PRDM5: variants seen among roughly 807,000 people sequenced by gnomAD.
PRDM5 encodes PR/SET domain 5.
In PRDM5, 56 loss-of-function variants were observed where a neutral mutation model predicts 81.2. The ratio of observed to expected loss-of-function variants is 0.69; its 90% confidence interval spans 0.56 to 0.86. The LOEUF is 0.86. Among genes scored for constraint, PRDM5 ranks in the 40% least tolerant of loss-of-function variants. PRDM5 has a pLI of 0.00. For synonymous variants in PRDM5, 267 were observed against 256.4 expected, an observed-to-expected ratio of 1.04 and a Z score of -0.39; for missense variants, 697 against 770.1, an observed-to-expected ratio of 0.91 and a Z score of 1.12.
intron 2 of PRDM5, 104 bp from the exon 3 acceptor site, chr4:120,853,644 T>A (rs1297130468): frequency 7.1e-7 from 1 of 1,410,162 alleles, no homozygotes; most frequent in African/African-American, 1.4e-5. Context: ...TATACCTTTT[T>A]TATTGATGGG....
chr4:120,696,637 G>A (rs1411917075), intron 15 of PRDM5, among the ~76,000 whole-genome samples: 1 of 152,030 alleles, frequency 6.6e-6, no homozygotes, highest in African/African-American at 2.4e-5. Context: ...GGATTATTAA[G>A]ATTAAATAAA....
intron 14 of PRDM5, among the ~76,000 whole-genome samples, chr4:120,727,697 C>T (rs552781108): frequency 1.1e-3 from 168 of 151,998 alleles, no homozygotes; most frequent in Non-Finnish European, 2.1e-3. Context: ...ACACTTTGGG[C>T]GGCTGAGGCG....
rs926584287 is a variant in PRDM5 at position 120,805,633 on chromosome 4, C to A, written c.945+5737G>T. Among the ~76,000 whole-genome samples, 7 of 152,230 alleles carry A rather than the reference C, an allele frequency of 4.6e-5. No individual in the cohort carries two copies. The South Asian group carries it at 1.5e-3, about 32-fold the overall frequency. On this transcript the variant is annotated intron_variant, in intron 8 of 15. Transcript: ENST00000264808. The stretch of plus-strand genomic sequence containing the variant: ...TTATCTCAATAGATACAGAAAAGGC[C>A]TTTGACAAAATTCAATAGCCCTTCA...
chr4:120,910,717 A>C (rs1163231592), intron 1 of PRDM5, among the ~76,000 whole-genome samples: 1 of 152,180 alleles, frequency 6.6e-6, no homozygotes, highest in Non-Finnish European at 1.5e-5. Context: ...TGACCTACAA[A>C]ATGAAAGTTT....
At chr4:120,896,951 G>A (rs1764693615) in intron 2 of PRDM5, 1 of 151,546 alleles carries the variant, frequency 6.6e-6, no homozygotes, top group Non-Finnish European at 1.5e-5. Context: ...CCAAAGTTCT[G>A]GGATTACAGG....
chr4:120,748,147 G>C (rs1480751525), intron 14 of PRDM5, among the ~76,000 whole-genome samples: 1 of 152,184 alleles, frequency 6.6e-6, no homozygotes, highest in Non-Finnish European at 1.5e-5. Flanking sequence ...ATGGGTTTGA[G>C]GCACTGGACA....
At chr4:120,876,723 GA>G (rs1219678892) in intron 2 of PRDM5, among the ~76,000 whole-genome samples, 1 of 152,078 alleles carries the variant, frequency 6.6e-6, no homozygotes, top group Admixed American at 6.5e-5. Context: ...TACATTTGAT[GA>G]AAAAATATAA....
chr4:120,759,529 T>A (rs926690020), intron 13 of PRDM5, among the ~76,000 whole-genome samples: 1 of 152,220 alleles, frequency 6.6e-6, no homozygotes, highest in Non-Finnish European at 1.5e-5. Flanking sequence ...AAAGATAAAT[T>A]GTTATTCTTA....
Position 120,697,668 on chromosome 4 carries a change from C to CTT in PRDM5, c.1729-2394_1729-2393insAA, listed in dbSNP as rs1734691599. On this transcript the variant is annotated intron_variant, in intron 15 of 15. Transcript: ENST00000264808. ...GCCAGATGCCACCATGCCCAGCTAACTATTTTTTTTTTTTTTTTTTTTTTG... is the reference window on the plus strand; with the variant it reads ...GCCAGATGCCACCATGCCCAGCTAACTTTATTTTTTTTTTTTTTTTTTTTTTG... 5.4e-4 allele frequency among the ~76,000 whole-genome samples: 23 copies of CTT among 42,868 alleles called. 2 individuals carry two copies. Among genetic ancestry groups the CTT allele is most frequent in the East Asian group, 2.6e-3 (3 of 1,150 alleles). 28.1% of individuals were successfully genotyped at this position (42,868 alleles called of 152,430 possible). A position where few individuals can be genotyped will look rare whatever the true frequency, so the allele number is the denominator to read the frequency against.
chr4:120,778,640 T>G (rs1013037306), intron 12 of PRDM5, among the ~76,000 whole-genome samples: 3 of 151,982 alleles, frequency 2.0e-5, no homozygotes, highest in African/African-American at 7.2e-5. Flanking sequence ...TGTCTTTTGA[T>G]TTTTTTTCCT....
intron 2 of PRDM5, among the ~76,000 whole-genome samples, chr4:120,895,876 T>C (rs534940783): frequency 3.7e-4 from 57 of 152,298 alleles, no homozygotes; most frequent in African/African-American, 1.2e-3. Flanking sequence ...TCTTGCTTTG[T>C]TGCAATCTCT....
chr4:120,791,031 A>T (rs1057401944), intron 10 of PRDM5, among the ~76,000 whole-genome samples: 3 of 152,224 alleles, frequency 2.0e-5, no homozygotes, highest in Non-Finnish European at 4.4e-5. Context: ...TAATTCTCAG[A>T]CTGAAAATAG....
At position 120,839,361 on chromosome 4, in the gene PRDM5, G is replaced by A; in HGVS notation, c.300+14057C>T. On this transcript the variant is annotated intron_variant, in intron 3 of 15. Transcript: ENST00000264808. ...TCATTGAGCAACAGAACAGCTCAGA[G>A]GAAACCTGCAGGTTTTCTTTCCACA... 3 of 692,412 alleles carry A rather than the reference G, an allele frequency of 4.3e-6. No homozygotes were observed. The Admixed American group carries it at 6.1e-5, about 14-fold the overall frequency. The allele number at this position is 692,412 out of a possible 1,614,324, so 42.9% of individuals were successfully genotyped here.
intron 2 of PRDM5, among the ~76,000 whole-genome samples, chr4:120,888,992 G>C (rs1189748765): frequency 6.6e-6 from 1 of 151,820 alleles, no homozygotes; most frequent in Non-Finnish European, 1.5e-5. Flanking sequence ...TTTCAGAAAT[G>C]TATTACAAAT....
At chr4:120,742,975 T>C (rs888602981) in intron 14 of PRDM5, among the ~76,000 whole-genome samples, 4 of 151,756 alleles carry the variant, frequency 2.6e-5, no homozygotes, top group African/African-American at 4.9e-5. Flanking sequence ...GACACATAAT[T>C]GTCAGATTCA....
intron 1 of PRDM5, among the ~76,000 whole-genome samples, chr4:120,913,536 T>C (rs560996841): frequency 6.6e-6 from 1 of 152,322 alleles, no homozygotes; most frequent in Admixed American, 6.5e-5. Context: ...TATGAAATAA[T>C]ACAAAACGGA....
At chr4:120,802,152 A>G (rs1408160896) in intron 8 of PRDM5, among the ~76,000 whole-genome samples, 1 of 152,210 alleles carries the variant, frequency 6.6e-6, no homozygotes, top group Non-Finnish European at 1.5e-5. Context: ...GATATTCCCA[A>G]AACTATAAAG....
chr4:120,907,094 G>A (rs1268595085), intron 2 of PRDM5, among the ~76,000 whole-genome samples: 1 of 151,698 alleles, frequency 6.6e-6, no homozygotes, highest in East Asian at 1.9e-4. Context: ...TAGCACTCTG[G>A]GAGGCCGAGA....
In PRDM5 at chr4:120,798,337, T is replaced by C; in HGVS notation, c.1118A>G (p.Asp373Gly). ...ACAAAGTTTGCATTTGTAAGGTTTGTCTTCGCTGTGTATTACTTTGTGAGC... is the reference window on the plus strand; with the variant it reads ...ACAAAGTTTGCATTTGTAAGGTTTGCCTTCGCTGTGTATTACTTTGTGAGC... ...VGAHKVIHSE[D>G]KPYKCKLCGK... The change falls in exon 10 of 16, where the codon GAC becomes GGC. Residue 373 changes from aspartate (D) to glycine (G), a missense_variant. Asp to Gly is a moderately conservative substitution (Grantham distance 94). Transcript: ENST00000264808. 6.2e-7 allele frequency: 1 copy of C among 1,613,408 alleles called. No individual in the cohort carries two copies.
Sources: gnomAD v4.1 joint callset for allele counts (sites outside exome capture counted in the v4.1 genomes callset) on GRCh38, gnomAD v4.1.1 for gene constraint, MANE v1.5 for transcripts, NCBI Gene and HGNC (gene_info 2026-07-23, HGNC 2026-07-21) for gene names.